DSC2: variants seen among roughly 807,000 people sequenced by gnomAD.
DSC2 encodes the protein desmocollin 2, also known as desmocollin-2.
Under a neutral mutation model 87.6 loss-of-function variants are expected in DSC2, and 51 were observed. The ratio of observed to expected loss-of-function variants is 0.58; its 90% CI spans 0.46 to 0.74. The LOEUF (loss-of-function observed/expected upper bound fraction) is 0.74. Ranked by LOEUF, DSC2 falls within the 30% of genes least tolerant of loss-of-function variation. DSC2 has a pLI of 0.00. For missense variants in DSC2, 1,066 were observed against 1,089.5 expected (o/e 0.98, Z 0.30); for synonymous variants, 383 against 393.2 (o/e 0.97, Z 0.31).
chr18:31,084,103 G>GTTCA (rs1389869040), intron 7 of DSC2, among the ~76,000 whole-genome samples: 2 of 152,082 alleles, frequency 1.3e-5, no homozygotes, highest in African/African-American at 2.4e-5. Context: ...TACCTAGAAT[G>GTTCA]TTCACCCTTC....
chr18:31,062,930 AT>A lies in DSC2; in HGVS notation c.*5084del, dbSNP rs1198299790. 1 of 152,214 alleles carries A rather than the reference AT, an allele frequency of 6.6e-6. No individual in the cohort carries two copies. The highest frequency in any genetic ancestry group is 6.5e-5 in the Admixed American group (1 of 15,282). 9.4% of individuals were successfully genotyped at this position (152,214 alleles called of 1,614,324 possible). On this transcript the variant is annotated 3_prime_UTR_variant, in exon 16 of 16. Transcript: ENST00000280904. ...GCAGAATCTAACATACACCATGTCT[AT>A]CATGTAAAATTTATGCCACAGAAAA... is the stretch of plus-strand genomic sequence containing the variant.
chr18:31,091,251 G>C, intron 3 of DSC2, 104 bp from the exon 4 acceptor site: 1 of 1,420,372 alleles, frequency 7.0e-7, no homozygotes, highest in South Asian at 1.2e-5. Flanking sequence ...TAGCTGGGTA[G>C]GGGTGAGACC....
chr18:31,076,861 G>A (rs777520324), intron 11 of DSC2, among the ~76,000 whole-genome samples: 1 of 152,074 alleles, frequency 6.6e-6, no homozygotes, highest in Non-Finnish European at 1.5e-5. Flanking sequence ...ACTACAAAAG[G>A]ACAATCGTTA....
chr18:31,076,047 ATT>A (rs1987006623), intron 11 of DSC2, among the ~76,000 whole-genome samples: 1 of 152,180 alleles, frequency 6.6e-6, no homozygotes, highest in African/African-American at 2.4e-5. Context: ...TAAATCATTC[ATT>A]CTTTCTGTTT....
intron 11 of DSC2, among the ~76,000 whole-genome samples, chr18:31,079,253 T>C (rs1885722006): frequency 6.6e-6 from 1 of 152,088 alleles, no homozygotes; most frequent in South Asian, 2.1e-4. Context: ...TGTTTTGTTT[T>C]TGTTTTTGTT....
At chr18:31,095,962 G>A (rs1026168598) in intron 1 of DSC2, among the ~76,000 whole-genome samples, 1 of 152,050 alleles carries the variant, frequency 6.6e-6, no homozygotes, top group South Asian at 2.1e-4. Flanking sequence ...AATCTGGAAT[G>A]GTTGATGTGT....
intron 1 of DSC2, among the ~76,000 whole-genome samples, chr18:31,099,495 G>T (rs1433852884): frequency 6.7e-6 from 1 of 149,618 alleles, no homozygotes; most frequent in African/African-American, 2.5e-5. Context: ...TAGATCTCAT[G>T]TTATGTCATT....
chr18:31,062,328 C>T lies in DSC2; in HGVS notation c.*5687G>A, dbSNP rs1352747750. On this transcript the variant is annotated 3_prime_UTR_variant, in exon 16 of 16. Transcript: ENST00000280904. The stretch of plus-strand genomic sequence containing the variant: ...GGAATTTTGGCAAACTCATAAGAAT[C>T]ATTTCTTGAATTTCTAAACATAAGT... 6.6e-6 allele frequency: 1 copy of T among 151,938 alleles called. No individual in the cohort carries two copies. Among genetic ancestry groups the T allele is most frequent in the Non-Finnish European group, 1.5e-5 (1 of 68,006 alleles). 9.4% of individuals were successfully genotyped at this position (151,938 alleles called of 1,614,324 possible).
At position 31,072,879 on chromosome 18, in the gene DSC2, T is replaced by C. The variant is rs78727753; in HGVS notation, c.1889-1038A>G. ...TGGTTAACCTGTTAAGTCTATTTTG[T>C]AAAAAATTATAATGAGACTAGCAAA... On this transcript the variant is annotated intron_variant, in intron 12 of 15. Coordinates refer to ENST00000280904, the MANE Select transcript of DSC2 (RefSeq NM_024422.6). Among the ~76,000 whole-genome samples, 786 of 152,280 alleles carry C rather than the reference T, an allele frequency of 5.2e-3. 8 individuals are homozygous for C. Among genetic ancestry groups the C allele is most frequent in the African/African-American group, 0.018 (756 of 41,564 alleles).
rs775956339 is a variant in DSC2 at position 31,102,336 on chromosome 18, A to T, written c.-365T>A. The T allele has an allele frequency of 4.4e-4, 87 of 196,800 alleles. No individual in the cohort carries two copies. The highest frequency in any genetic ancestry group is 4.3e-4 in the Non-Finnish European group (42 of 97,928). 12.2% of individuals were successfully genotyped at this position (196,800 alleles called of 1,614,324 possible). A position where few individuals can be genotyped will look rare whatever the true frequency, so the allele number is the denominator to read the frequency against. On this transcript the variant is annotated 5_prime_UTR_variant, in exon 1 of 16. Coordinates refer to ENST00000280904, the MANE Select transcript of DSC2 (RefSeq NM_024422.6). ...TGTTTCTCACCAGCGGACGCCACCTATAAGGCCCATCTCCCCCACCACGCC... is the reference window on the plus strand; with the variant it reads ...TGTTTCTCACCAGCGGACGCCACCTTTAAGGCCCATCTCCCCCACCACGCC...
intron 7 of DSC2, among the ~76,000 whole-genome samples, chr18:31,084,694 T>G (rs1987338290): frequency 6.6e-6 from 1 of 152,008 alleles, no homozygotes; most frequent in African/African-American, 2.4e-5. Context: ...GAATGCTATT[T>G]TCACATAGAC....
chr18:31,067,192 GAGA>G lies in DSC2; in HGVS notation c.*820_*822del, dbSNP rs1223262726. On this transcript the variant is annotated 3_prime_UTR_variant, in exon 16 of 16. Transcript: ENST00000280904. ...AAAAAAGGAATAATTCACTTTATGA[GAGA>G]AGAAAAGAGAGACAGATTTTTAAAA... 1 of 148,590 alleles carries G rather than the reference GAGA, an allele frequency of 6.7e-6. No homozygotes were observed. The highest frequency in any genetic ancestry group is 2.0e-4 in the East Asian group (1 of 5,108). 9.2% of individuals were successfully genotyped at this position (148,590 alleles called of 1,614,324 possible). A position where few individuals can be genotyped will look rare whatever the true frequency, so the allele number is the denominator to read the frequency against.
In DSC2 at chr18:31,071,744, A is replaced by C. The variant is rs757613258; in HGVS notation, c.1986T>G (p.Thr662=). ...AGTCACACAGTGTAACATCCAATGA[A>C]GTGACACTAGACATGCCAAGTCTAT... ...VRDRLGMSSV[T]SLDVTLCDCI... is the part of the protein sequence containing the mutation. The change falls in exon 13 of 16, where the codon ACT becomes ACG. Residue 662 remains threonine (T), a synonymous_variant. Transcript: ENST00000280904. 6.8e-6 allele frequency: 11 copies of C among 1,613,912 alleles called. No homozygotes were observed. The South Asian group carries it at 9.9e-5, about 15-fold the overall frequency.
At chr18:31,086,133 A>G (rs1987387130) in intron 7 of DSC2, among the ~76,000 whole-genome samples, 1 of 152,218 alleles carries the variant, frequency 6.6e-6, no homozygotes, top group Non-Finnish European at 1.5e-5. Flanking sequence ...TTTTAGATTT[A>G]TTACATCATA....
At chr18:31,092,373 G>A (rs749132059) in intron 2 of DSC2, 73 bp from the exon 3 acceptor site, 77 of 1,364,918 alleles carry the variant, frequency 5.6e-5, no homozygotes, top group East Asian at 2.8e-4. Flanking sequence ...ATGTATGCAC[G>A]TGGGGAGAGC....
intron 5 of DSC2, among the ~76,000 whole-genome samples, chr18:31,088,867 T>C (rs1490206878): frequency 6.6e-6 from 1 of 152,020 alleles, no homozygotes; most frequent in Non-Finnish European, 1.5e-5. Flanking sequence ...TTGTGCCAAC[T>C]AAGTAACTGT....
At chr18:31,098,951 G>A (rs1374229287) in intron 1 of DSC2, among the ~76,000 whole-genome samples, 2 of 152,304 alleles carry the variant, frequency 1.3e-5, no homozygotes, top group African/African-American at 2.4e-5. Context: ...GATTAAGGAA[G>A]GGGAGCAGTG....
Position 31,066,629 on chromosome 18 carries a change from A to G in DSC2, c.*1386T>C, listed in dbSNP as rs1986627935. Reference sequence around the variant, plus strand: ...ATGTCCATATGTTTAGTATAAATAGAAAATTCATTGACTAAAATAAGTCAT... The same window carrying G: ...ATGTCCATATGTTTAGTATAAATAGGAAATTCATTGACTAAAATAAGTCAT... On this transcript the variant is annotated 3_prime_UTR_variant, in exon 16 of 16. Coordinates refer to ENST00000280904, the MANE Select transcript of DSC2 (RefSeq NM_024422.6). 6.6e-6 allele frequency: 1 copy of G among 152,154 alleles called. No homozygotes were observed. The highest frequency in any genetic ancestry group is 6.5e-5 in the Admixed American group (1 of 15,270). 9.4% of individuals were successfully genotyped at this position (152,154 alleles called of 1,614,324 possible). A position where few individuals can be genotyped will look rare whatever the true frequency, so the allele number is the denominator to read the frequency against.
chr18:31,070,676 T>C (rs1375723813), intron 14 of DSC2, 50 bp downstream of exon 14: 1 of 1,610,946 alleles, frequency 6.2e-7, no homozygotes, highest in Non-Finnish European at 8.5e-7. Context: ...GGAATACGCA[T>C]TATAAGCGAA....
Sources: allele counts gnomAD v4.1 joint callset (sites outside exome capture counted in the v4.1 genomes callset), GRCh38; gene constraint gnomAD v4.1.1; transcripts MANE v1.5; gene names NCBI Gene and HGNC (gene_info 2026-07-23, HGNC 2026-07-21).